COQ8A: variants seen among roughly 807,000 people sequenced by gnomAD.
COQ8A encodes coenzyme Q8A.
COQ8A carries 51 observed loss-of-function variants against 65.0 expected under a neutral mutation model. That is an observed-to-expected ratio of 0.78 (90% CI 0.63 to 0.99). The LOEUF (loss-of-function observed/expected upper bound fraction) is 0.99. Ranked by LOEUF, COQ8A falls within the 50% of genes least tolerant of loss-of-function variation. The pLI is 0.00. For missense variants in COQ8A, 940 were observed against 875.0 expected, an observed-to-expected ratio of 1.07 and a Z score of -0.94; for synonymous variants, 371 against 353.2, an observed-to-expected ratio of 1.05 and a Z score of -0.57.
chr1:226,951,254 G>T (rs1233094597), intron 1 of COQ8A, among the ~76,000 whole-genome samples: 53 of 152,196 alleles, frequency 3.5e-4, no homozygotes, highest in Non-Finnish European at 5.9e-5. Context: ...ATGAAGGAAT[G>T]ATTAGATGGT....
chr1:226,984,794 T>G (rs1306667669), intron 12 of COQ8A, 82 bp from the exon 13 acceptor site: 53 of 1,523,936 alleles, frequency 3.5e-5, no homozygotes, highest in Non-Finnish European at 4.5e-5. Context: ...CTCACTGCCC[T>G]CTGTTGCACC....
chr1:226,982,958 C>T lies in COQ8A; in HGVS notation c.1004C>T (p.Pro335Leu), dbSNP rs1178703736. Residue 335 changes from proline to leucine, a missense_variant, in exon 8 of 15, where the codon CCC (proline) becomes CTC (leucine). Transcript: ENST00000366777. Reference sequence around the variant, plus strand: ...AAGTTGGAATACTTCGAGGAGCGGCCCTTCGCCGCCGCATCCATTGGGCAG... The same window carrying T: ...AAGTTGGAATACTTCGAGGAGCGGCTCTTCGCCGCCGCATCCATTGGGCAG... ...RDKLEYFEER[P>L]FAAASIGQVH... 6.2e-7 allele frequency: 1 copy of T among 1,605,392 alleles called. No individual in the cohort carries two copies. The highest frequency in any genetic ancestry group is 1.1e-5 in the South Asian group (1 of 90,244).
intron 4 of COQ8A, among the ~76,000 whole-genome samples, chr1:226,970,676 A>G (rs1351435515): frequency 1.3e-5 from 2 of 152,178 alleles, no homozygotes; most frequent in Non-Finnish European, 2.9e-5. Context: ...TATAAAAATA[A>G]GTGATTATTT....
intron 5 of COQ8A, 31 bp downstream of exon 5, chr1:226,977,554 G>A: frequency 6.5e-7 from 1 of 1,547,026 alleles, no homozygotes; most frequent in Non-Finnish European, 8.7e-7. Context: ...GGAGGGGCAG[G>A]GTGGGCCCCG....
intron 8 of COQ8A, 63 bp from the exon 9 acceptor site, chr1:226,983,489 G>A (rs1277664425): frequency 8.1e-6 from 12 of 1,488,606 alleles, no homozygotes; most frequent in Admixed American, 1.7e-5. Flanking sequence ...TTGGGGGAGT[G>A]CCCCAGGCAG....
intron 4 of COQ8A, among the ~76,000 whole-genome samples, chr1:226,975,349 C>T (rs960863341): frequency 2.0e-5 from 3 of 152,320 alleles, no homozygotes; most frequent in Non-Finnish European, 2.9e-5. Flanking sequence ...TATCCTGCCC[C>T]ATGCTGCCCA....
chr1:226,965,042 G>T lies in COQ8A; in HGVS notation c.220G>T (p.Gly74Cys), dbSNP rs778948697. The change falls in exon 3 of 15, where the codon GGC (glycine) becomes TGC (cysteine). Residue 74 changes from glycine to cysteine, a missense_variant. Gly to Cys is a radical substitution (Grantham distance 159, BLOSUM62 -3). Transcript: ENST00000366777. The stretch of plus-strand genomic sequence containing the variant: ...AGAATATTTTGCTGAGAACTTCGGC[G>T]GCCCAGAAGGGGAGTTCCACTTCTC... Reference protein sequence around the residue: ...HEEYFAENFGGPEGEFHFSVP... With the variant: ...HEEYFAENFGCPEGEFHFSVP... The T allele has an allele frequency of 3.1e-6, 5 of 1,614,004 alleles. No individual in the cohort carries two copies. The highest frequency in any genetic ancestry group is 4.2e-6 in the Non-Finnish European group (5 of 1,180,010).
At chr1:226,981,227 G>A (rs916898167) in intron 5 of COQ8A, among the ~76,000 whole-genome samples, 4 of 152,250 alleles carry the variant, frequency 2.6e-5, no homozygotes, top group African/African-American at 4.8e-5. Context: ...GCACCTCCAT[G>A]TCTAGGCAGC....
intron 1 of COQ8A, among the ~76,000 whole-genome samples, chr1:226,950,268 C>T (rs1657296156): frequency 6.6e-6 from 1 of 152,174 alleles, no homozygotes; most frequent in Non-Finnish European, 1.5e-5. Flanking sequence ...GCTTTTATAT[C>T]ACCCCCAACC....
chr1:226,952,055 C>T (rs1389170757), intron 1 of COQ8A, among the ~76,000 whole-genome samples: 1 of 152,184 alleles, frequency 6.6e-6, no homozygotes, highest in East Asian at 1.9e-4. Context: ...GGGGTAAGCA[C>T]CCTTTCATTA....
chr1:226,982,438 A>G (rs1343262505), intron 6 of COQ8A: 5 of 644,344 alleles, frequency 7.8e-6, no homozygotes, highest in Non-Finnish European at 1.3e-5. Flanking sequence ...TGTAATTATG[A>G]AAAACTCTGC....
intron 13 of COQ8A, 122 bp from the exon 14 acceptor site, chr1:226,985,131 CG>C (rs930760303): frequency 8.7e-7 from 1 of 1,143,178 alleles, no homozygotes; most frequent in Non-Finnish European, 1.3e-6. Flanking sequence ...CAGCACTGGC[CG>C]GGGGCCCTGT....
At chr1:226,979,224 C>T (rs142846183) in intron 5 of COQ8A, among the ~76,000 whole-genome samples, 7 of 152,326 alleles carry the variant, frequency 4.6e-5, no homozygotes, top group African/African-American at 7.2e-5. Flanking sequence ...CCGCTGTGGC[C>T]GGGCCCTCTG....
In COQ8A at chr1:226,961,465, T is replaced by C; in HGVS notation, c.80T>C (p.Leu27Pro). The change falls in exon 2 of 15, where the codon CTG (leucine) becomes CCG (proline). Residue 27 changes from leucine to proline, a missense_variant. By Grantham distance (98) the Leu-to-Pro change is moderately conservative. Coordinates refer to ENST00000366777, the MANE Select transcript of COQ8A (RefSeq NM_020247.5). ...KLTQAAVETH[L>P]QHLGIGGELI... ...ACCCAGGCGGCCGTGGAAACCCACC[T>C]GCAGCACTTGGGCATCGGAGGGGAG... 6.2e-7 allele frequency: 1 copy of C among 1,613,854 alleles called. No individual in the cohort carries two copies. The highest frequency in any genetic ancestry group is 8.5e-7 in the Non-Finnish European group (1 of 1,179,982).
Position 226,965,326 on chromosome 1 carries a change from C to A in COQ8A, c.504C>A (p.Ser168=). 6.2e-7 allele frequency: 1 copy of A among 1,613,666 alleles called. No individual in the cohort carries two copies. The highest frequency in any genetic ancestry group is 1.3e-5 in the African/African-American group (1 of 75,074). Residue 168 remains serine, a synonymous_variant, in exon 3 of 15, where the codon TCC becomes TCA. Transcript: ENST00000366777. ...GAAGGTTCTTCCACCAGGACCAATC[C>A]CCTGTTGGGGGCCTCACAGCCGAGG... ...FQRRFFHQDQ[S]PVGGLTAEDI... is the part of the protein sequence containing the mutation.
At position 226,986,542 on chromosome 1, in the gene COQ8A, C is replaced by G. The variant is rs1159694457; in HGVS notation, c.1749C>G (p.Thr583=). Residue 583 remains threonine (T), a synonymous_variant, in exon 15 of 15, where the codon ACC becomes ACG. Transcript: ENST00000366777. ...CTTTTGATTTTGGCACTCAGAGCACCACCGAGAAGATCCACAACCTGATTC... is the reference window on the plus strand; with the variant it reads ...CTTTTGATTTTGGCACTCAGAGCACGACCGAGAAGATCCACAACCTGATTC... ...DEPFDFGTQS[T]TEKIHNLIPV... The G allele has an allele frequency of 2.5e-6, 4 of 1,613,984 alleles. No individual in the cohort carries two copies. The highest frequency in any genetic ancestry group is 3.4e-6 in the Non-Finnish European group (4 of 1,180,004).
rs555559790 is a variant in COQ8A, at chr1:226,963,955, G to T, written c.178-1045G>T. ...AGTAGTGCCACAGCCAGCAGGGCCA[G>T]CCTGGGTGTTGGATCCCGGCTCTGT... is the stretch of plus-strand genomic sequence containing the variant. On this transcript the variant is annotated intron_variant, in intron 2 of 14. Transcript: ENST00000366777. 2.6e-5 allele frequency among the ~76,000 whole-genome samples: 4 copies of T among 152,316 alleles called. No homozygotes were observed. The South Asian group carries it at 8.3e-4, about 32-fold the overall frequency.
chr1:226,959,946 G>A (rs541533039), intron 1 of COQ8A, among the ~76,000 whole-genome samples: 6 of 152,400 alleles, frequency 3.9e-5, no homozygotes, highest in African/African-American at 1.4e-4. Flanking sequence ...AGTGCTCCTT[G>A]ATGCTTCCTT....
chr1:226,984,466 G>A, intron 11 of COQ8A, 82 bp from the exon 12 acceptor site: 1 of 1,372,736 alleles, frequency 7.3e-7, no homozygotes, highest in Non-Finnish European at 1.0e-6. Flanking sequence ...AAAACAGGAG[G>A]CAGGGGCTTC....
Sources: gnomAD v4.1 joint callset for allele counts (sites outside exome capture counted in the v4.1 genomes callset) on GRCh38, gnomAD v4.1.1 for gene constraint, MANE v1.5 for transcripts, NCBI Gene and HGNC (gene_info 2026-07-23, HGNC 2026-07-21) for gene names.